ACSL5: variants seen among roughly 807,000 people sequenced by gnomAD.
ACSL5 encodes the protein acyl-CoA synthetase long chain family member 5.
A neutral mutation model predicts 84.9 loss-of-function variants in ACSL5; 50 were observed. That is an observed-to-expected ratio of 0.59 (90% CI 0.47 to 0.75). ACSL5 has a LOEUF of 0.75. Among genes scored for constraint, ACSL5 ranks in the 30% least tolerant of loss-of-function variants. The pLI, the probability that ACSL5 is intolerant of heterozygous loss-of-function variation, is 0.00. For synonymous variants in ACSL5, 280 were observed against 300.7 expected (o/e 0.93, Z 0.71); for missense variants, 775 against 830.4 (o/e 0.93, Z 0.82).
At chr10:112,383,695 A>G (rs1849395007) in intron 1 of ACSL5, among the ~76,000 whole-genome samples, 1 of 152,238 alleles carries the variant, frequency 6.6e-6, no homozygotes, top group South Asian at 2.1e-4. Flanking sequence ...TGTAGAAACA[A>G]AGCTGAGGTG....
chr10:112,376,669 T>G (rs1427997098), intron 1 of ACSL5, among the ~76,000 whole-genome samples: 1 of 151,966 alleles, frequency 6.6e-6, no homozygotes, highest in Non-Finnish European at 1.5e-5. Context: ...GGGGCATGCA[T>G]GGGGCTCACT....
chr10:112,393,553 A>G (rs903825008), intron 1 of ACSL5, among the ~76,000 whole-genome samples: 1 of 152,214 alleles, frequency 6.6e-6, no homozygotes. Flanking sequence ...GCAGCTGTCC[A>G]AAGCTCTAAG....
intron 14 of ACSL5, 108 bp downstream of exon 14, chr10:112,418,049 C>A: frequency 1.2e-6 from 1 of 855,172 alleles, no homozygotes; most frequent in South Asian, 1.9e-5. Context: ...TGAAAGTCAC[C>A]TAAATTCTCA....
chr10:112,394,665 G>A, intron 1 of ACSL5: 2 of 856,562 alleles, frequency 2.3e-6, no homozygotes, highest in South Asian at 1.1e-4. Context: ...TGTTTCCTTT[G>A]ATCCTCCCTG....
At chr10:112,394,702 GA>G in intron 1 of ACSL5, 2 of 977,742 alleles carry the variant, frequency 2.0e-6, no homozygotes, top group Non-Finnish European at 2.4e-6. Flanking sequence ...TCAAGTAGCA[GA>G]GGTGGAGAAT....
chr10:112,426,110 T>A, intron 18 of ACSL5, 148 bp from the exon 19 acceptor site: 1 of 598,840 alleles, frequency 1.7e-6, no homozygotes, highest in Non-Finnish European at 2.9e-6. Flanking sequence ...GTGTTGAAAA[T>A]ATATGGTGAG....
rs754538299 is a variant in ACSL5, at chr10:112,413,341, C to G, written c.1083+34C>G. 2.6e-5 allele frequency: 42 copies of G among 1,612,258 alleles called. No homozygotes were observed. Among genetic ancestry groups the G allele is most frequent in the African/African-American group, 1.9e-4 (14 of 74,894 alleles). On this transcript the variant is annotated intron_variant, in intron 12 of 20. Coordinates refer to ENST00000354655, the MANE Select transcript of ACSL5 (RefSeq NM_203379.2). The stretch of plus-strand genomic sequence containing the variant: ...TTTCAGCTGAAGGGACTGTCTGTGA[C>G]TTGGGCCTGCACGAAGGAACTCTGT...
At position 112,404,521 on chromosome 10, in the gene ACSL5, CT is replaced by C; in HGVS notation, c.277del (p.Cys93AlafsTer66). ...ATATTATGTTTTTAGACAATGGGCC[CT>C]GCTTGGGATATAGAAAACCAAACCA... ...RGLAVSDNGP[C>X]LGYRKPNQPY... On this transcript the variant is annotated frameshift_variant, in exon 4 of 21. Transcript: ENST00000354655. LOFTEE classifies it high-confidence loss of function. 3 of 1,613,226 alleles carry C rather than the reference CT, an allele frequency of 1.9e-6. No homozygotes were observed. The highest frequency in any genetic ancestry group is 2.5e-6 in the Non-Finnish European group (3 of 1,179,258).
At chr10:112,390,480 G>A (rs1019761187) in intron 1 of ACSL5, among the ~76,000 whole-genome samples, 11 of 152,116 alleles carry the variant, frequency 7.2e-5, no homozygotes, top group Non-Finnish European at 1.0e-4. Flanking sequence ...TGGTGGTTCC[G>A]CAAAAAGTTA....
intron 17 of ACSL5, among the ~76,000 whole-genome samples, chr10:112,423,576 C>T (rs1210803969): frequency 6.6e-6 from 1 of 152,068 alleles, no homozygotes; most frequent in South Asian, 2.1e-4. Flanking sequence ...GTGTTTTCTT[C>T]TTGCCTTATT....
Position 112,382,519 on chromosome 10 carries a change from T to C in ACSL5, c.-30+8250T>C, listed in dbSNP as rs532922601. ...GGAGGCCTATTGACACACAGATCCA[T>C]GAGTCCCAGGAAGCCTCACTGGGAC... is the stretch of plus-strand genomic sequence containing the variant. On this transcript the variant is annotated intron_variant, in intron 1 of 20. Transcript: ENST00000354655. Among the ~76,000 whole-genome samples the C allele has an allele frequency of 2.0e-5, 3 of 152,298 alleles. 1 individual carries two copies. Among genetic ancestry groups the C allele is most frequent in the African/African-American group, 7.2e-5 (3 of 41,570 alleles).
At chr10:112,388,034 G>A (rs1033360311) in intron 1 of ACSL5, among the ~76,000 whole-genome samples, 1 of 149,182 alleles carries the variant, frequency 6.7e-6, no homozygotes, top group Non-Finnish European at 1.5e-5. Context: ...CGCCTCCCAG[G>A]TTCAAGGAAT....
At position 112,407,846 on chromosome 10, in the gene ACSL5, G is replaced by A. The variant is rs1467133380; in HGVS notation, c.433-576G>A. ...TTGAAAGTGATCTCTGACACCCTAAGGCTCCTAATGCCTTCCATACCTCTT... is the reference window on the plus strand; with the variant it reads ...TTGAAAGTGATCTCTGACACCCTAAAGCTCCTAATGCCTTCCATACCTCTT... On this transcript the variant is annotated intron_variant, in intron 5 of 20. Transcript: ENST00000354655. Among the ~76,000 whole-genome samples, 3 of 152,228 alleles carry A rather than the reference G, an allele frequency of 2.0e-5. No homozygotes were observed. The East Asian group carries it at 5.8e-4, about 29-fold the overall frequency.
At chr10:112,374,422 C>G in intron 1 of ACSL5, among the ~76,000 whole-genome samples, 153 bp downstream of exon 1, 1 of 152,196 alleles carries the variant, frequency 6.6e-6, no homozygotes, top group East Asian at 1.9e-4. Context: ...GTAATCTCAG[C>G]TGACTTGTGT....
chr10:112,414,110 CTAGCACTGCTCTATTTTTCATTAG>C (rs1378610583), intron 12 of ACSL5, among the ~76,000 whole-genome samples: 1 of 152,112 alleles, frequency 6.6e-6, no homozygotes, highest in Non-Finnish European at 1.5e-5. Flanking sequence ...ATGTTGATGA[CTAGCACTGCTCTATTTTTCATTAG>C]AAATTACAGA....
intron 3 of ACSL5, among the ~76,000 whole-genome samples, chr10:112,399,521 C>A (rs1843826678): frequency 6.6e-6 from 1 of 152,118 alleles, no homozygotes. Context: ...CTTCTTTGGA[C>A]TTTTTTAGAG....
chr10:112,425,110 T>C (rs1844617211), intron 17 of ACSL5: 1 of 342,050 alleles, frequency 2.9e-6, no homozygotes, highest in Non-Finnish European at 5.2e-6. Flanking sequence ...AGACTTTCTC[T>C]AAGGCTGCGC....
At chr10:112,417,753 C>T (rs1290291659) in intron 13 of ACSL5, 93 bp from the exon 14 acceptor site, 1 of 935,594 alleles carries the variant, frequency 1.1e-6, no homozygotes, top group Non-Finnish European at 1.7e-6. Flanking sequence ...ATTCTCATAA[C>T]AACGCTGCAC....
At chr10:112,388,064 G>A (rs10466200) in intron 1 of ACSL5, among the ~76,000 whole-genome samples, 1,624 of 149,646 alleles carry the variant, frequency 0.011, 33 homozygotes, top group African/African-American at 0.037. Flanking sequence ...AGAGCCTCCC[G>A]AGTAGCTGGG....
Sources: allele counts gnomAD v4.1 joint callset (sites outside exome capture counted in the v4.1 genomes callset), GRCh38; gene constraint gnomAD v4.1.1; transcripts MANE v1.5; gene names NCBI Gene and HGNC (gene_info 2026-07-23, HGNC 2026-07-21).